TP63: variants seen among roughly 807,000 people sequenced by gnomAD.
TP63 encodes the protein tumor protein p63, also known as tumor protein 63.
Under a neutral mutation model 82.8 loss-of-function variants are expected in TP63, and 17 were observed. The observed-to-expected ratio is 0.21, with a 90% CI of 0.14 to 0.31. TP63 has a LOEUF of 0.31. TP63 is among the 10% of genes least tolerant of loss of function. The pLI is 1.00. For missense variants in TP63, 648 were observed against 895.3 expected, an observed-to-expected ratio of 0.72 and a Z score of 3.52; for synonymous variants, 330 against 321.7, an observed-to-expected ratio of 1.03 and a Z score of -0.28.
the TP63 span, among the ~76,000 whole-genome samples, chr3:189,611,229 C>T: frequency 0.023 from 3,570 of 152,252 alleles, 146 homozygotes; most frequent in African/African-American, 0.081. Flanking sequence ...ATTCCTATGT[C>T]CAGGATGGTA....
chr3:189,802,686 G>A (rs979900523), intron 3 of TP63, among the ~76,000 whole-genome samples: 1 of 152,148 alleles, frequency 6.6e-6, no homozygotes, highest in African/African-American at 2.4e-5. Context: ...GAATTCTTTT[G>A]CATCACTAGG....
intron 6 of TP63, among the ~76,000 whole-genome samples, 175 bp from the exon 7 acceptor site, chr3:189,867,658 G>T (rs1020570429): frequency 6.6e-6 from 1 of 152,162 alleles, no homozygotes; most frequent in African/African-American, 2.4e-5. Context: ...TTAGCTTTAA[G>T]CTTCCCCGCA....
chr3:189,730,300 C>A (rs960335379), intron 1 of TP63, among the ~76,000 whole-genome samples: 22 of 152,282 alleles, frequency 1.4e-4, no homozygotes, highest in Non-Finnish European at 3.1e-4. Flanking sequence ...TGCAGAAGGG[C>A]AAGCATTCTG....
chr3:189,826,854 G>A (rs1711519687), intron 4 of TP63, among the ~76,000 whole-genome samples: 1 of 152,200 alleles, frequency 6.6e-6, no homozygotes, highest in African/African-American at 2.4e-5. Flanking sequence ...TCAAATGTTA[G>A]AGTTCACTGA....
chr3:189,741,362 C>G (rs933659791), intron 3 of TP63, among the ~76,000 whole-genome samples: 1 of 152,110 alleles, frequency 6.6e-6, no homozygotes, highest in Non-Finnish European at 1.5e-5. Flanking sequence ...GGTAAACTTA[C>G]CCAGGATGTT....
At position 189,889,418 on chromosome 3, in the gene TP63, T is replaced by C; in HGVS notation, c.1586T>C (p.Leu529Pro). The change falls in exon 12 of 14, where the codon CTC (leucine) becomes CCC (proline). Residue 529 changes from leucine (L) to proline (P), a missense_variant. By Grantham distance (98) the Leu-to-Pro change is moderately conservative (BLOSUM62 -3). Coordinates refer to ENST00000264731, the MANE Select transcript of TP63 (RefSeq NM_003722.5). ...CCCACCCAGGCACTCCCTCCCCCAC[T>C]CTCCATGCCATCCACCTCCCACTGC... Reference protein sequence around the residue: ...LSPTQALPPPLSMPSTSHCTP... With the variant: ...LSPTQALPPPPSMPSTSHCTP... 6.2e-7 allele frequency: 1 copy of C among 1,613,242 alleles called. No homozygotes were observed. Among genetic ancestry groups the C allele is most frequent in the Non-Finnish European group, 8.5e-7 (1 of 1,179,646 alleles).
chr3:189,640,446 A>C (rs1388502764), intron 1 of TP63, among the ~76,000 whole-genome samples: 2 of 152,140 alleles, frequency 1.3e-5, no homozygotes, highest in South Asian at 2.1e-4. Flanking sequence ...AAAATGTGAA[A>C]TATTAATGCA....
At chr3:189,881,904 A>C (rs572493907) in intron 10 of TP63, among the ~76,000 whole-genome samples, 93 of 152,060 alleles carry the variant, frequency 6.1e-4, no homozygotes, top group Non-Finnish European at 1.1e-3. Context: ...TGGCATAGAC[A>C]TTAGCAAATA....
At chr3:189,602,408 C>A in the TP63 span, among the ~76,000 whole-genome samples, 5 of 152,102 alleles carry the variant, frequency 3.3e-5, no homozygotes, top group South Asian at 1.0e-3. Context: ...CAAACATTTT[C>A]TTGGTCTTCT....
intron 1 of TP63, among the ~76,000 whole-genome samples, chr3:189,679,096 T>TG (rs993689707): frequency 7.2e-5 from 11 of 152,164 alleles, no homozygotes; most frequent in African/African-American, 4.8e-5. Context: ...TCAGTGAACA[T>TG]GGGGGTGCAG....
intron 4 of TP63, among the ~76,000 whole-genome samples, chr3:189,851,019 T>A (rs900177323): frequency 7.9e-5 from 12 of 152,246 alleles, no homozygotes; most frequent in Non-Finnish European, 1.6e-4. Context: ...TAAGCTATGT[T>A]AAACACTTTA....
intron 1 of TP63, among the ~76,000 whole-genome samples, chr3:189,734,612 G>A (rs11926083): frequency 0.48 from 72,193 of 151,864 alleles, 18,952 homozygotes; most frequent in African/African-American, 0.72. Context: ...TTTTTTCCCA[G>A]ATAGTCACTT....
chr3:189,711,306 C>T (rs1416608358), intron 1 of TP63, among the ~76,000 whole-genome samples: 1 of 152,194 alleles, frequency 6.6e-6, no homozygotes. Flanking sequence ...TTTAATTCAA[C>T]AATTCCTCTT....
At chr3:189,675,973 AC>A (rs1162877832) in intron 1 of TP63, among the ~76,000 whole-genome samples, 1 of 129,060 alleles carries the variant, frequency 7.7e-6, no homozygotes, top group Non-Finnish European at 1.7e-5. Flanking sequence ...AGAACCGTGA[AC>A]CCTTTGAAAA....
intron 4 of TP63, among the ~76,000 whole-genome samples, chr3:189,833,012 A>C (rs34058592): frequency 0.069 from 10,552 of 152,322 alleles, 401 homozygotes; most frequent in African/African-American, 0.093. Context: ...GCAGAGGCAA[A>C]GGTGAGACTG....
chr3:189,868,849 C>T, intron 8 of TP63, 133 bp downstream of exon 8: 1 of 1,390,132 alleles, frequency 7.2e-7, no homozygotes, highest in Non-Finnish European at 1.0e-6. Flanking sequence ...CCCTCAGAGC[C>T]AGTGAGAATA....
intron 1 of TP63, among the ~76,000 whole-genome samples, chr3:189,658,522 A>G (rs1218588943): frequency 3.3e-5 from 5 of 152,048 alleles, no homozygotes; most frequent in Admixed American, 6.6e-5. Flanking sequence ...ATTCAAGTAG[A>G]TAGTATGTAG....
At chr3:189,638,445 G>A (rs1337776552) in intron 1 of TP63, among the ~76,000 whole-genome samples, 1 of 152,096 alleles carries the variant, frequency 6.6e-6, no homozygotes, top group Non-Finnish European at 1.5e-5. Flanking sequence ...GACTGCAGAT[G>A]CAAGCATCTG....
Position 189,677,657 on chromosome 3 carries a change from T to C in TP63, c.62+46080T>C, listed in dbSNP as rs577058568. Among the ~76,000 whole-genome samples the C allele has an allele frequency of 3.6e-3, 550 of 152,038 alleles. 5 individuals are homozygous for C. The highest frequency in any genetic ancestry group is 4.5e-3 in the Non-Finnish European group (306 of 67,928). The stretch of plus-strand genomic sequence containing the variant: ...TTAATGGTAGTTCTATGTTTTCTTC[T>C]TTGAGAAATATCCATATTGTTTGCC... On this transcript the variant is annotated intron_variant, in intron 1 of 13. Coordinates refer to ENST00000264731, the MANE Select transcript of TP63 (RefSeq NM_003722.5).
Sources: allele counts gnomAD v4.1 joint callset (sites outside exome capture counted in the v4.1 genomes callset), GRCh38; gene constraint gnomAD v4.1.1; transcripts MANE v1.5; gene names NCBI Gene and HGNC (gene_info 2026-07-23, HGNC 2026-07-21).